Variants in GUCY1A2 observed in about 807,000 individuals in gnomAD.
The protein encoded by GUCY1A2 is guanylate cyclase soluble subunit alpha-2.
Under a neutral mutation model 63.5 loss-of-function variants are expected in GUCY1A2, and 27 were observed. That is an observed-to-expected ratio of 0.43 (90% confidence interval 0.31 to 0.59). GUCY1A2 has a LOEUF of 0.59. Ranked by LOEUF, GUCY1A2 falls within the 20% of genes least tolerant of loss-of-function variation. The probability of loss-of-function intolerance (pLI) is 0.11; values close to 1 mark genes in which losing one functional copy is unlikely to be tolerated. For synonymous variants in GUCY1A2, 364 were observed against 343.5 expected, an observed-to-expected ratio of 1.06 and a Z score of -0.66; for missense variants, 768 against 913.3, an observed-to-expected ratio of 0.84 and a Z score of 2.05.
At chr11:106,945,816 T>A (rs1171513348) in intron 3 of GUCY1A2, among the ~76,000 whole-genome samples, 1 of 152,024 alleles carries the variant, frequency 6.6e-6, no homozygotes, top group Non-Finnish European at 1.5e-5. Flanking sequence ...AATACAAAAT[T>A]ATCTGGGCAT....
At chr11:106,906,637 A>G (rs953093067) in intron 4 of GUCY1A2, among the ~76,000 whole-genome samples, 3 of 152,152 alleles carry the variant, frequency 2.0e-5, no homozygotes, top group African/African-American at 4.8e-5. Context: ...ACATGCACAC[A>G]TATGTTTATT....
intron 6 of GUCY1A2, among the ~76,000 whole-genome samples, chr11:106,740,976 A>G (rs1214755910): frequency 1.3e-5 from 2 of 152,136 alleles, no homozygotes; most frequent in African/African-American, 4.8e-5. Flanking sequence ...CCTGGCTCCA[A>G]TTTATGATAT....
At chr11:106,785,053 G>T (rs750897195) in intron 5 of GUCY1A2, among the ~76,000 whole-genome samples, 17 of 152,270 alleles carry the variant, frequency 1.1e-4, no homozygotes, top group South Asian at 6.2e-4. Flanking sequence ...AAAATAAAAG[G>T]TCATCTCATC....
chr11:106,761,186 T>C (rs1864059958), intron 6 of GUCY1A2, among the ~76,000 whole-genome samples: 1 of 152,236 alleles, frequency 6.6e-6, no homozygotes, highest in African/African-American at 2.4e-5. Flanking sequence ...GCTAACTAGT[T>C]AGATAACTTA....
chr11:106,812,093 C>T (rs1020029958), intron 4 of GUCY1A2, among the ~76,000 whole-genome samples: 13 of 151,982 alleles, frequency 8.6e-5, no homozygotes, highest in African/African-American at 2.4e-4. Flanking sequence ...GCTAATAATA[C>T]ATACTTTCTT....
At chr11:106,795,174 T>C (rs1344824491) in intron 5 of GUCY1A2, among the ~76,000 whole-genome samples, 2 of 152,140 alleles carry the variant, frequency 1.3e-5, no homozygotes, top group Non-Finnish European at 2.9e-5. Context: ...GTGACAAAGA[T>C]ATAATTAAAA....
intron 3 of GUCY1A2, among the ~76,000 whole-genome samples, chr11:106,964,679 G>A (rs763398490): frequency 2.6e-5 from 4 of 152,088 alleles, no homozygotes; most frequent in Non-Finnish European, 5.9e-5. Flanking sequence ...TTGGCAAAAG[G>A]TATTTATAAA....
At chr11:106,734,813 G>C (rs563519227) in intron 6 of GUCY1A2, among the ~76,000 whole-genome samples, 1 of 152,076 alleles carries the variant, frequency 6.6e-6, no homozygotes, top group East Asian at 1.9e-4. Context: ...GGAACATCTC[G>C]ATTTTAGCGG....
chr11:106,785,711 A>G (rs1864543733), intron 5 of GUCY1A2, among the ~76,000 whole-genome samples: 1 of 152,110 alleles, frequency 6.6e-6, no homozygotes, highest in African/African-American at 2.4e-5. Flanking sequence ...ATTTGTTAAA[A>G]ATTAGATTCC....
intron 4 of GUCY1A2, among the ~76,000 whole-genome samples, chr11:106,921,598 T>C (rs1020458864): frequency 2.6e-5 from 4 of 152,118 alleles, no homozygotes; most frequent in Admixed American, 6.6e-5. Flanking sequence ...CACTCATCGA[T>C]GGCCCCACAA....
chr11:107,003,968 A>T (rs779512062), intron 1 of GUCY1A2, among the ~76,000 whole-genome samples: 8 of 152,198 alleles, frequency 5.3e-5, no homozygotes, highest in Non-Finnish European at 8.8e-5. Context: ...TAGAGCTCTG[A>T]TCTCAGAGTT....
chr11:107,005,896 C>T (rs117049407), intron 1 of GUCY1A2, among the ~76,000 whole-genome samples: 1,886 of 152,190 alleles, frequency 0.012, 23 homozygotes, highest in Non-Finnish European at 0.021. Flanking sequence ...CGAACCATGA[C>T]AAAAGGTATT....
At chr11:106,799,847 T>C (rs1864838758) in intron 5 of GUCY1A2, among the ~76,000 whole-genome samples, 1 of 152,162 alleles carries the variant, frequency 6.6e-6, no homozygotes, top group African/African-American at 2.4e-5. Context: ...ACTTCATGTC[T>C]AAAACACCAA....
intron 6 of GUCY1A2, among the ~76,000 whole-genome samples, chr11:106,724,384 C>T (rs1447715515): frequency 6.6e-6 from 1 of 152,164 alleles, no homozygotes; most frequent in African/African-American, 2.4e-5. Flanking sequence ...TTCATATTGT[C>T]ACGTAGCTAG....
intron 3 of GUCY1A2, among the ~76,000 whole-genome samples, chr11:106,950,239 T>C (rs1000326001): frequency 1.3e-5 from 2 of 152,214 alleles, no homozygotes; most frequent in African/African-American, 2.4e-5. Context: ...TGCTATCAGA[T>C]GCTGGCAACC....
At chr11:106,988,496 C>G (rs1405094208) in intron 1 of GUCY1A2, among the ~76,000 whole-genome samples, 2 of 151,554 alleles carry the variant, frequency 1.3e-5, no homozygotes, top group African/African-American at 4.9e-5. Context: ...CAGGAATTTC[C>G]CAGTCATTAA....
At chr11:106,924,526 A>T (rs1251763044) in intron 4 of GUCY1A2, among the ~76,000 whole-genome samples, 1 of 152,186 alleles carries the variant, frequency 6.6e-6, no homozygotes, top group Non-Finnish European at 1.5e-5. Flanking sequence ...TTTGGGTCCA[A>T]TATTGTCCTT....
intron 2 of GUCY1A2, among the ~76,000 whole-genome samples, chr11:106,982,133 C>G (rs1182501801): frequency 2.0e-5 from 3 of 152,078 alleles, no homozygotes; most frequent in African/African-American, 7.2e-5. Flanking sequence ...AAGTAACCTT[C>G]CCAAGATTAT....
chr11:106,936,160 T>C (rs1332075942), intron 4 of GUCY1A2, among the ~76,000 whole-genome samples: 1 of 152,186 alleles, frequency 6.6e-6, no homozygotes, highest in Non-Finnish European at 1.5e-5. Context: ...ATTCATTCCA[T>C]ACCAAGAAGC....
Sources: gnomAD v4.1 joint callset for allele counts (sites outside exome capture counted in the v4.1 genomes callset) on GRCh38, gnomAD v4.1.1 for gene constraint, MANE v1.5 for transcripts, NCBI Gene and HGNC (gene_info 2026-07-23, HGNC 2026-07-21) for gene names.